CD14: variants seen among roughly 807,000 people sequenced by gnomAD.
The protein encoded by CD14 is CD14 molecule.
In CD14, 4 loss-of-function variants were observed where a neutral mutation model predicts 2.5. The observed-to-expected ratio is 1.63, with a 90% confidence interval of 0.80 to 3.72. The LOEUF is 3.72. Among genes scored for constraint, CD14 ranks in the 30% most tolerant of loss-of-function variants. The pLI, the probability that CD14 is intolerant of heterozygous loss-of-function variation, is 0.01. For missense variants in CD14, 478 were observed against 497.8 expected (o/e 0.96, Z 0.38); for synonymous variants, 236 against 235.1 (o/e 1.00, Z -0.04).
At position 140,632,423 on chromosome 5, in the gene CD14, G is replaced by T. The variant is rs1756617717; in HGVS notation, c.561C>A (p.Cys187Ter). The change falls in exon 2 of 2, where the codon TGC (cysteine) becomes TGA (stop). Residue 187 changes from cysteine (C) to a stop codon, truncating the protein, a stop_gained. Coordinates refer to ENST00000302014, the MANE Select transcript of CD14 (RefSeq NM_000591.4). LOFTEE classifies it low-confidence loss of function (END_TRUNC). This position sits in a 1 kb window ranked among gnomAD's most constrained non-coding sequence, Gnocchi z 6.2. ...GGGCCGGGAAGGCGCGAACCTGTTC[G>T]CAGGAAAAGGCAGGCGAGTGTGCTT... ...IAQAHSPAFS[C>*]EQVRAFPALT... 5 of 1,614,090 alleles carry T rather than the reference G, an allele frequency of 3.1e-6. No individual in the cohort carries two copies. The highest frequency in any genetic ancestry group is 2.7e-5 in the African/African-American group (2 of 74,956).
chr5:140,633,064 C>T lies in CD14; in HGVS notation c.3+5G>A, dbSNP rs747769524. On this transcript the variant is annotated splice_donor_5th_base_variant and intron_variant, in intron 1 of 1. Coordinates refer to ENST00000302014, the MANE Select transcript of CD14 (RefSeq NM_000591.4). ...ACGCGTTCGACCCCAAGACCCTACA[C>T]TCACCATGGTCGATAAGTCTTCCGA... 4 of 1,614,198 alleles carry T rather than the reference C, an allele frequency of 2.5e-6. No individual in the cohort carries two copies. In the South Asian group the frequency reaches 4.4e-5, roughly 18 times the overall value.
intron 1 of CD14, 35 bp from the exon 2 acceptor site, chr5:140,633,015 C>G: frequency 1.2e-6 from 2 of 1,614,132 alleles, no homozygotes; most frequent in Non-Finnish European, 1.7e-6. Flanking sequence ...AGGCCCCATC[C>G]AACCCCTGTG....
Position 140,633,107 on chromosome 5 carries a change from A to G in CD14, c.-36T>C, listed in dbSNP as rs756283341. The G allele has an allele frequency of 1.2e-6, 2 of 1,613,716 alleles. No homozygotes were observed. The highest frequency in any genetic ancestry group is 1.7e-4 in the Middle Eastern group (1 of 6,060). On this transcript the variant is annotated 5_prime_UTR_variant, in exon 1 of 2. Transcript: ENST00000302014. Reference sequence around the variant, plus strand: ...TCTTCCGAACCTCTGAGCTCCGGACAGGCTCTGGAAGTGCTTTAGCTTCTT... The same window carrying G: ...TCTTCCGAACCTCTGAGCTCCGGACGGGCTCTGGAAGTGCTTTAGCTTCTT...
chr5:140,633,362 A>G, upstream of CD14: 1 of 553,096 alleles, frequency 1.8e-6, no homozygotes, highest in East Asian at 3.2e-5. Context: ...CAGGGCATCT[A>G]GGGTTCTGTG....
At chr5:140,633,611 T>C (rs1022283159), upstream of CD14, 10 of 167,502 alleles carry the variant, frequency 6.0e-5, no homozygotes, top group African/African-American at 2.4e-4. Flanking sequence ...TGCCACCAAA[T>C]CCAAGTCCCT....
In CD14 at chr5:140,631,954, T is replaced by C. The variant is rs767041400; in HGVS notation, c.1030A>G (p.Met344Val). Residue 344 changes from methionine to valine, a missense_variant, in exon 2 of 2, where the codon ATG becomes GTG. By Grantham distance (21) the Met-to-Val change is conservative. Transcript: ENST00000302014. ...CAGGCTGGGACCACGCCGGAGTTCA[T>C]TGAGCCCTCGTGGGGGAGGGCAGTT... is the stretch of plus-strand genomic sequence containing the variant. ...PGTALPHEGSMNSGVVPACAR... is the reference protein window; with the variant it reads ...PGTALPHEGSVNSGVVPACAR... 4 of 1,613,254 alleles carry C rather than the reference T, an allele frequency of 2.5e-6. No homozygotes were observed. Among genetic ancestry groups the C allele is most frequent in the Non-Finnish European group, 2.5e-6 (3 of 1,179,332 alleles).
rs1356296606 is a variant in CD14 at position 140,632,689 on chromosome 5, C to A, written c.295G>T (p.Ala99Ser). The A allele has an allele frequency of 1.2e-6, 2 of 1,613,734 alleles. No individual in the cohort carries two copies. Among genetic ancestry groups the A allele is most frequent in the East Asian group, 4.5e-5 (2 of 44,876 alleles). The change falls in exon 2 of 2, where the codon GCA (alanine) becomes TCA (serine). Residue 99 changes from alanine (A) to serine (S), a missense_variant. Physicochemically the swap from Ala to Ser is moderately conservative, Grantham distance 99. Coordinates refer to ENST00000302014, the MANE Select transcript of CD14 (RefSeq NM_000591.4). This position sits in a 1 kb window ranked among gnomAD's most constrained non-coding sequence, Gnocchi z 6.2. Reference protein sequence around the residue: ...LRVRRLTVGAAQVPAQLLVGA... With the variant: ...LRVRRLTVGASQVPAQLLVGA... Reference sequence around the variant, plus strand: ...ACCAGTAGCTGAGCAGGAACCTGTGCGGCTCCCACTGTGAGCCGCCGCACG... The same window carrying A: ...ACCAGTAGCTGAGCAGGAACCTGTGAGGCTCCCACTGTGAGCCGCCGCACG...
rs536505189 is a variant in CD14, at chr5:140,632,458, T to C, written c.526A>G (p.Ser176Gly). ...GCAGGCGAGTGTGCTTGGGCAATGC[T>C]CAGTACCTTGAGGCCTGGCTTGAGC... ...QWLKPGLKVL[S>G]IAQAHSPAFS... Residue 176 changes from serine to glycine, a missense_variant, in exon 2 of 2, where the codon AGC (serine) becomes GGC (glycine). By Grantham distance (56) the Ser-to-Gly change is moderately conservative. Coordinates refer to ENST00000302014, the MANE Select transcript of CD14 (RefSeq NM_000591.4). The surrounding 1 kb of genome is among the most constrained non-coding windows in gnomAD (Gnocchi z 6.2). 2.5e-6 allele frequency: 4 copies of C among 1,614,142 alleles called. No individual in the cohort carries two copies. In the African/African-American group the frequency reaches 4.0e-5, roughly 16 times the overall value.
Position 140,631,886 on chromosome 5 carries a change from C to A in CD14, c.1098G>T (p.Val366=). Residue 366 remains valine, a synonymous_variant, in exon 2 of 2, where the codon GTG becomes GTT. Transcript: ENST00000302014. ...CAAAGCCCCGGGCCCCTTGGAGCAG[C>A]ACCAGGGTTCCCGACACCCCCACCG... ...TLSVGVSGTL[V]LLQGARGFA is the part of the protein sequence containing the mutation. The A allele has an allele frequency of 1.3e-6, 2 of 1,584,976 alleles. No individual in the cohort carries two copies. Among genetic ancestry groups the A allele is most frequent in the South Asian group, 2.3e-5 (2 of 87,498 alleles).
chr5:140,631,774 T>C lies in CD14; in HGVS notation c.*82A>G. ...ATAAAGGTGGGGCAAAGGGTTGAAT[T>C]GGTCGAAAAGTCCTCAACGTCCTGA... On this transcript the variant is annotated 3_prime_UTR_variant, in exon 2 of 2. Transcript: ENST00000302014. The C allele has an allele frequency of 7.6e-7, 1 of 1,315,198 alleles. No individual in the cohort carries two copies. 81.5% of individuals were successfully genotyped at this position (1,315,198 alleles called of 1,614,324 possible). A position where few individuals can be genotyped will look rare whatever the true frequency, so the allele number is the denominator to read the frequency against.
Position 140,631,778 on chromosome 5 carries a change from C to A in CD14, c.*78G>T. 1 of 1,374,434 alleles carries A rather than the reference C, an allele frequency of 7.3e-7. No homozygotes were observed. The highest frequency in any genetic ancestry group is 1.4e-5 in the South Asian group (1 of 71,184). The allele number at this position is 1,374,434 out of a possible 1,614,324, so 85.1% of individuals were successfully genotyped here. ...AGGTGGGGCAAAGGGTTGAATTGGT[C>A]GAAAAGTCCTCAACGTCCTGACGGG... On this transcript the variant is annotated 3_prime_UTR_variant, in exon 2 of 2. Transcript: ENST00000302014.
Position 140,632,801 on chromosome 5 carries a change from G to A in CD14, c.183C>T (p.Ala61=). The change falls in exon 2 of 2, where the codon GCC becomes GCT. Residue 61 remains alanine (A), a synonymous_variant. Transcript: ENST00000302014. The surrounding 1 kb of genome is among the most constrained non-coding windows in gnomAD (Gnocchi z 6.2). The part of the protein sequence containing the change: ...CVSAVEVEIH[A]GGLNLEPFLK... The stretch of plus-strand genomic sequence containing the variant: ...GAAACGGCTCTAGGTTGAGACCGCC[G>A]GCATGGATCTCCACCTCTACTGCAG... The A allele has an allele frequency of 1.9e-6, 3 of 1,613,760 alleles. No individual in the cohort carries two copies. The highest frequency in any genetic ancestry group is 2.5e-6 in the Non-Finnish European group (3 of 1,180,032).
At chr5:140,633,652 T>C (rs1756692364), upstream of CD14, 1 of 159,116 alleles carries the variant, frequency 6.3e-6, no homozygotes, top group Non-Finnish European at 1.4e-5. Flanking sequence ...CTGCATGTTT[T>C]GTGGAAGAGA....
Position 140,632,166 on chromosome 5 carries a change from A to T in CD14, c.818T>A (p.Met273Lys). 6.2e-7 allele frequency: 1 copy of T among 1,613,976 alleles called. No individual in the cohort carries two copies. Among genetic ancestry groups the T allele is most frequent in the Admixed American group, 1.7e-5 (1 of 60,024 alleles). Reference protein sequence around the residue: ...ATVNPSAPRCMWSSALNSLNL... With the variant: ...ATVNPSAPRCKWSSALNSLNL... ...GAGGGAGTTCAGGGCGCTGGACCAC[A>T]TGCATCTCGGAGCGCTAGGGTTTAC... Residue 273 changes from methionine to lysine, a missense_variant, in exon 2 of 2, where the codon ATG becomes AAG. Transcript: ENST00000302014. This position sits in a 1 kb window ranked among gnomAD's most constrained non-coding sequence, Gnocchi z 6.2.
At chr5:140,633,527 C>T (rs1017919089), upstream of CD14, 12 of 230,192 alleles carry the variant, frequency 5.2e-5, no homozygotes, top group East Asian at 5.8e-4. Context: ...CCCAATCCCC[C>T]TACCTTATAT....
In CD14 at chr5:140,632,300, CG is replaced by C; in HGVS notation, c.683del (p.Ala228GlyfsTer27). ...PHKFPAIQNL[A>X]LRNTGMETPT... Reference sequence around the variant, plus strand: ...GCGTCTCCATTCCTGTGTTGCGCAGCGCTAGATTCTGGATGGCCGGGAACTT... The same window carrying C: ...GCGTCTCCATTCCTGTGTTGCGCAGCCTAGATTCTGGATGGCCGGGAACTT... On this transcript the variant is annotated frameshift_variant, in exon 2 of 2. Coordinates refer to ENST00000302014, the MANE Select transcript of CD14 (RefSeq NM_000591.4). LOFTEE classifies it low-confidence loss of function (END_TRUNC). The surrounding 1 kb of genome is among the most constrained non-coding windows in gnomAD (Gnocchi z 6.2). 6.2e-7 allele frequency: 1 copy of C among 1,613,968 alleles called. No homozygotes were observed. Among genetic ancestry groups the C allele is most frequent in the South Asian group, 1.1e-5 (1 of 91,088 alleles).
rs754670442 is a variant in CD14 at position 140,632,577 on chromosome 5, G to A, written c.407C>T (p.Pro136Leu). The change falls in exon 2 of 2, where the codon CCT becomes CTT. Residue 136 changes from proline to leucine, a missense_variant. By Grantham distance (98) the Pro-to-Leu change is moderately conservative. Coordinates refer to ENST00000302014, the MANE Select transcript of CD14 (RefSeq NM_000591.4). This position sits in a 1 kb window ranked among gnomAD's most constrained non-coding sequence, Gnocchi z 6.2. ...AAGTGCAAGTCCTGTGGCTTCCAGA[G>A]GCAGCGGAGGCATGGTGCCGGTTAT... ...LKITGTMPPL[P>L]LEATGLALSS... The A allele has an allele frequency of 2.6e-5, 42 of 1,613,924 alleles. No individual in the cohort carries two copies. The highest frequency in any genetic ancestry group is 3.3e-5 in the Admixed American group (2 of 60,012).
At chr5:140,633,276 C>G (rs1473778114), upstream of CD14, 5 of 658,454 alleles carry the variant, frequency 7.6e-6, no homozygotes, top group Non-Finnish European at 1.3e-5. Flanking sequence ...TTCCTCCGAG[C>G]CAGCCCCCTT....
Position 140,632,065 on chromosome 5 carries a change from TGCAGCTGAGATCGA to T in CD14, c.905_918del (p.Leu302GlnfsTer10). On this transcript the variant is annotated frameshift_variant, in exon 2 of 2. Transcript: ENST00000302014. LOFTEE classifies it low-confidence loss of function (END_TRUNC). The surrounding 1 kb of genome is among the most constrained non-coding windows in gnomAD (Gnocchi z 6.2). ...GGCTGCGGCGCCCTGTTCAGTCTGT[TGCAGCTGAGATCGA>T]GCACTCTGAGCTTGGCTGGCAGTCC... 2 of 1,614,204 alleles carry T rather than the reference TGCAGCTGAGATCGA, an allele frequency of 1.2e-6. No individual in the cohort carries two copies. Among genetic ancestry groups the T allele is most frequent in the Non-Finnish European group, 8.5e-7 (1 of 1,180,028 alleles).
Sources: gnomAD v4.1 joint callset for allele counts on GRCh38, gnomAD v4.1.1 for gene constraint, Gnocchi (gnomAD v3.1) non-coding constraint, MANE v1.5 for transcripts, NCBI Gene and HGNC (gene_info 2026-07-23, HGNC 2026-07-21) for gene names.